PPP2R3A: variants seen among roughly 807,000 people sequenced by gnomAD.
The protein encoded by PPP2R3A is protein phosphatase 2 regulatory subunit B''alpha, also known as serine/threonine-protein phosphatase 2A regulatory subunit B'' subunit alpha.
Under a neutral mutation model 106.9 loss-of-function variants are expected in PPP2R3A, and 80 were observed. The observed-to-expected ratio is 0.75, with a 90% CI of 0.62 to 0.90. The LOEUF (loss-of-function observed/expected upper bound fraction) is 0.90, where lower values mean the gene tolerates loss of function less well. Among genes scored for constraint, PPP2R3A ranks in the 40% least tolerant of loss-of-function variants. The pLI is 0.00. For synonymous variants in PPP2R3A, 483 were observed against 468.3 expected (o/e 1.03, Z -0.41); for missense variants, 1,386 against 1,350.4 (o/e 1.03, Z -0.41).
chr3:136,147,871 C>T lies in PPP2R3A; in HGVS notation c.*2705C>T, dbSNP rs543039052. 2.8e-4 allele frequency: 42 copies of T among 152,262 alleles called. No homozygotes were observed. Among genetic ancestry groups the T allele is most frequent in the African/African-American group, 9.9e-4 (41 of 41,542 alleles). The allele number at this position is 152,262 out of a possible 1,614,324, so 9.4% of individuals were successfully genotyped here. ...ACTTTGTTTTTCCCTTTTAGCAAAA[C>T]TAAATAAAGTTGTCAAATATGAATC... On this transcript the variant is annotated 3_prime_UTR_variant, in exon 14 of 14. Coordinates refer to ENST00000264977, the MANE Select transcript of PPP2R3A (RefSeq NM_002718.5).
chr3:135,989,264 A>G (rs1933058756), intron 1 of PPP2R3A, among the ~76,000 whole-genome samples: 1 of 152,154 alleles, frequency 6.6e-6, no homozygotes, highest in Non-Finnish European at 1.5e-5. Flanking sequence ...GAAGTCTTAA[A>G]GCCACCTAGC....
At position 136,145,898 on chromosome 3, in the gene PPP2R3A, G is replaced by T. The variant is rs1189539334; in HGVS notation, c.*732G>T. 6.6e-6 allele frequency: 1 copy of T among 152,100 alleles called. No homozygotes were observed. Among genetic ancestry groups the T allele is most frequent in the African/African-American group, 2.4e-5 (1 of 41,412 alleles). The allele number at this position is 152,100 out of a possible 1,614,324, so 9.4% of individuals were successfully genotyped here. ...AGAATTTGACTCATACTTGGAAAAA[G>T]CCCTTTTAACTTTTATCTTTTATTC... On this transcript the variant is annotated 3_prime_UTR_variant, in exon 14 of 14. Transcript: ENST00000264977.
At chr3:136,108,783 T>C (rs1039638315) in intron 13 of PPP2R3A, among the ~76,000 whole-genome samples, 9 of 151,926 alleles carry the variant, frequency 5.9e-5, no homozygotes, top group African/African-American at 1.7e-4. Context: ...CTCAGTAAAA[T>C]TGAATACTGA....
intron 1 of PPP2R3A, among the ~76,000 whole-genome samples, chr3:135,984,826 A>G (rs1220222660): frequency 6.6e-6 from 1 of 152,196 alleles, no homozygotes; most frequent in Non-Finnish European, 1.5e-5. Flanking sequence ...TTGGACTTAC[A>G]GTCCACATGG....
chr3:135,986,183 GA>G (rs1335731238), intron 1 of PPP2R3A, among the ~76,000 whole-genome samples: 1 of 152,046 alleles, frequency 6.6e-6, no homozygotes, highest in Non-Finnish European at 1.5e-5. Flanking sequence ...GAAGGTAAAG[GA>G]AGTTGAAGAA....
chr3:135,972,091 A>G (rs1937263748), intron 1 of PPP2R3A, among the ~76,000 whole-genome samples: 1 of 152,200 alleles, frequency 6.6e-6, no homozygotes. Flanking sequence ...TCATCACCCC[A>G]AAAGGAAACC....
At chr3:136,008,433 G>A (rs148157539) in intron 2 of PPP2R3A, among the ~76,000 whole-genome samples, 1 of 152,306 alleles carries the variant, frequency 6.6e-6, no homozygotes, top group Non-Finnish European at 1.5e-5. Context: ...TTTGTGGAAT[G>A]AGCCCAACCT....
intron 4 of PPP2R3A, among the ~76,000 whole-genome samples, chr3:136,041,262 G>GTTTTTTTTTTTT (rs71157355): frequency 2.1e-5 from 2 of 96,594 alleles, no homozygotes; most frequent in African/African-American, 8.7e-5. Flanking sequence ...TTTTTTTTTT[G>GTTTTTTTTTTTT]TTTTTTTTTT....
At chr3:135,979,235 C>A (rs1393834486) in intron 1 of PPP2R3A, among the ~76,000 whole-genome samples, 2 of 151,460 alleles carry the variant, frequency 1.3e-5, no homozygotes, top group Admixed American at 1.3e-4. Flanking sequence ...GAAAATTAGC[C>A]GGGTGTGATG....
chr3:135,992,336 G>T (rs1202974085), intron 1 of PPP2R3A, among the ~76,000 whole-genome samples: 2 of 152,106 alleles, frequency 1.3e-5, no homozygotes. Context: ...ATTTTCTACA[G>T]TTTTTTTCTG....
Position 135,978,978 on chromosome 3 carries a change from G to A in PPP2R3A, c.-441+13129G>A, listed in dbSNP as rs1039125178. Among the ~76,000 whole-genome samples the A allele has an allele frequency of 2.6e-5, 4 of 151,734 alleles. 1 individual carries two copies. Among genetic ancestry groups the A allele is most frequent in the African/African-American group, 4.9e-5 (2 of 41,084 alleles). Reference sequence around the variant, plus strand: ...TTTGTAATACAATCTTTAATGATACGCTGATTTAAGATAAAATATTTTTAC... The same window carrying A: ...TTTGTAATACAATCTTTAATGATACACTGATTTAAGATAAAATATTTTTAC... On this transcript the variant is annotated intron_variant, in intron 1 of 13. Coordinates refer to ENST00000264977, the MANE Select transcript of PPP2R3A (RefSeq NM_002718.5).
intron 5 of PPP2R3A, chr3:136,055,435 G>A: frequency 6.5e-6 from 7 of 1,081,644 alleles, no homozygotes; most frequent in Non-Finnish European, 1.0e-5. Context: ...TAATGCAAAT[G>A]CTTAAGGCAC....
In PPP2R3A at chr3:136,111,839, A is replaced by G. The variant is rs1042236601; in HGVS notation, c.3329+5517A>G. ...TCTGATACTAAAACCTGGCAGACACAATAAAAAAAACTTCAGGCCAATATC... is the reference window on the plus strand; with the variant it reads ...TCTGATACTAAAACCTGGCAGACACGATAAAAAAAACTTCAGGCCAATATC... On this transcript the variant is annotated intron_variant, in intron 13 of 13. Transcript: ENST00000264977. Among the ~76,000 whole-genome samples, 5 of 152,288 alleles carry G rather than the reference A, an allele frequency of 3.3e-5. No individual in the cohort carries two copies. The East Asian group carries it at 7.7e-4, about 24-fold the overall frequency.
At chr3:136,019,711 T>C (rs1349530012) in intron 2 of PPP2R3A, among the ~76,000 whole-genome samples, 1 of 152,152 alleles carries the variant, frequency 6.6e-6, no homozygotes. Flanking sequence ...TAAACCAACT[T>C]CATGCTAGTC....
intron 3 of PPP2R3A, among the ~76,000 whole-genome samples, chr3:136,033,785 G>A (rs1359843855): frequency 6.6e-6 from 1 of 151,128 alleles, no homozygotes; most frequent in Non-Finnish European, 1.5e-5. Context: ...TCTTTTCTTA[G>A]TTAGTCTTGC....
At chr3:135,977,937 G>A (rs1345561009) in intron 1 of PPP2R3A, among the ~76,000 whole-genome samples, 1 of 151,834 alleles carries the variant, frequency 6.6e-6, no homozygotes, top group Non-Finnish European at 1.5e-5. Context: ...TAAGCTAAAA[G>A]CTATCCGCCT....
chr3:136,013,851 C>A (rs1934180495), intron 2 of PPP2R3A, among the ~76,000 whole-genome samples: 1 of 151,900 alleles, frequency 6.6e-6, no homozygotes, highest in Admixed American at 6.6e-5. Context: ...TAAGTAAGTC[C>A]CATCTATTTA....
At position 136,147,455 on chromosome 3, in the gene PPP2R3A, G is replaced by C. The variant is rs368534488; in HGVS notation, c.*2289G>C. The C allele has an allele frequency of 4.6e-5, 7 of 152,538 alleles. No homozygotes were observed. Among genetic ancestry groups the C allele is most frequent in the African/African-American group, 1.4e-4 (6 of 41,412 alleles). The allele number at this position is 152,538 out of a possible 1,614,324, so 9.4% of individuals were successfully genotyped here. ...TTTACCCACATTATCACATTTTCAG[G>C]AATTATAAGAATGTGTTTTATTGTA... On this transcript the variant is annotated 3_prime_UTR_variant, in exon 14 of 14. Coordinates refer to ENST00000264977, the MANE Select transcript of PPP2R3A (RefSeq NM_002718.5).
rs149689134 is a variant in PPP2R3A at position 136,134,375 on chromosome 3, T to C, written c.3330-10668T>C. Among the ~76,000 whole-genome samples the C allele has an allele frequency of 1.4e-4, 21 of 152,266 alleles. No homozygotes were observed. In the East Asian group the frequency reaches 4.0e-3, roughly 29 times the overall value. ...AGTATCTATTGTAAATAATCAGAAATTTGGATAGAATTGTGTAATCTAAAC... is the reference window on the plus strand; with the variant it reads ...AGTATCTATTGTAAATAATCAGAAACTTGGATAGAATTGTGTAATCTAAAC... On this transcript the variant is annotated intron_variant, in intron 13 of 13. Transcript: ENST00000264977.
Sources: allele counts gnomAD v4.1 joint callset (sites outside exome capture counted in the v4.1 genomes callset), GRCh38; gene constraint gnomAD v4.1.1; transcripts MANE v1.5; gene names NCBI Gene and HGNC (gene_info 2026-07-23, HGNC 2026-07-21).